The following CFI variants were observed in gnomAD, a reference collection of about 807,000 sequenced individuals.
CFI encodes the protein complement factor I.
CFI carries 66 observed loss-of-function variants against 78.8 expected under a neutral mutation model. That is an observed-to-expected ratio of 0.84 (90% CI 0.69 to 1.03). The LOEUF (loss-of-function observed/expected upper bound fraction) is 1.03, where lower values mean the gene tolerates loss of function less well. Ranked by LOEUF, CFI falls within the 50% of genes least tolerant of loss-of-function variation. CFI has a pLI of 0.00. For missense variants in CFI, 706 were observed against 704.5 expected (o/e 1.00, Z -0.02); for synonymous variants, 250 against 232.6 (o/e 1.07, Z -0.68).
At chr4:109,748,099 C>A in intron 10 of CFI, among the ~76,000 whole-genome samples, 1 of 152,102 alleles carries the variant, frequency 6.6e-6, no homozygotes, top group African/African-American at 2.4e-5. Flanking sequence ...CAGAATTTAT[C>A]TTTACATAAG....
chr4:109,748,230 G>C (rs1724716500), intron 10 of CFI, among the ~76,000 whole-genome samples: 2 of 152,088 alleles, frequency 1.3e-5, no homozygotes, highest in South Asian at 4.1e-4. Context: ...TGTTTTTCAG[G>C]ATCACAGGTT....
the CFI span, among the ~76,000 whole-genome samples, chr4:109,734,348 A>G: frequency 6.6e-5 from 10 of 152,200 alleles, no homozygotes; most frequent in Non-Finnish European, 1.2e-4. Flanking sequence ...TGGTGTGTCA[A>G]AGAAAGACAG....
chr4:109,770,649 AAAG>A lies in CFI; in HGVS notation c.58-3828_58-3826del, dbSNP rs1330816801. Among the ~76,000 whole-genome samples the A allele has an allele frequency of 2.0e-3, 306 of 151,732 alleles. 2 individuals carry two copies. Among genetic ancestry groups the A allele is most frequent in the African/African-American group, 7.1e-3 (296 of 41,410 alleles). ...CACAGACCAGAAAAAAAAAAAAAAA[AAAG>A]AAAGTCTCTGTCTCCTCTCCAAGCT... On this transcript the variant is annotated intron_variant, in intron 1 of 12. Coordinates refer to ENST00000394634, the MANE Select transcript of CFI (RefSeq NM_000204.5).
the CFI span, among the ~76,000 whole-genome samples, chr4:109,732,216 C>T: frequency 3.3e-5 from 5 of 152,140 alleles, no homozygotes; most frequent in Admixed American, 6.5e-5. Context: ...AGGAATCAGA[C>T]GTAGTTTTCT....
chr4:109,784,990 T>C (rs1401997781), intron 1 of CFI, among the ~76,000 whole-genome samples: 2 of 151,798 alleles, frequency 1.3e-5, no homozygotes, highest in Admixed American at 6.6e-5. Context: ...TCCCCACCCT[T>C]GCGATAATGT....
At chr4:109,757,276 C>CA (rs76740444) in intron 7 of CFI, among the ~76,000 whole-genome samples, 30,776 of 151,780 alleles carry the variant, frequency 0.2, 3,694 homozygotes, top group Middle Eastern at 0.32. Flanking sequence ...CCTCGTGATC[C>CA]ACCCGCCTTG....
chr4:109,756,925 G>GAAAGAAAGAAAGAA (rs1726304962), intron 7 of CFI, among the ~76,000 whole-genome samples: 10 of 142,104 alleles, frequency 7.0e-5, no homozygotes, highest in African/African-American at 2.6e-4. Flanking sequence ...AAGAAAGAAA[G>GAAAGAAAGAAAGAA]AAAGAAAGAA....
At position 109,764,633 on chromosome 4, in the gene CFI, A is replaced by G. The variant is rs757193878; in HGVS notation, c.386T>C (p.Val129Ala). ...GNTDSEGIVE[V>A]KLVDQDKTMF... ...TGTCTTATCTTGGTCCACAAGTTTT[A>G]CTTCAACTATTCCCTCTGAATCTGT... The change falls in exon 3 of 13, where the codon GTA becomes GCA. Residue 129 changes from valine (V) to alanine (A), a missense_variant. By Grantham distance (64) the Val-to-Ala change is moderately conservative (BLOSUM62 0). Coordinates refer to ENST00000394634, the MANE Select transcript of CFI (RefSeq NM_000204.5). The G allele has an allele frequency of 1.5e-5, 24 of 1,613,970 alleles. No homozygotes were observed. In the Admixed American group the frequency reaches 4.0e-4, roughly 27 times the overall value.
chr4:109,765,421 C>T (rs1433952211), intron 2 of CFI, among the ~76,000 whole-genome samples: 1 of 152,192 alleles, frequency 6.6e-6, no homozygotes, highest in Non-Finnish European at 1.5e-5. Flanking sequence ...GCACTTTCTG[C>T]ATGCCAAGCA....
In CFI at chr4:109,749,254, C is replaced by A. The variant is rs763931500; in HGVS notation, c.1112G>T (p.Gly371Val). Residue 371 changes from glycine to valine, a missense_variant, in exon 10 of 13, where the codon GGT (glycine) becomes GTT (valine). Coordinates refer to ENST00000394634, the MANE Select transcript of CFI (RefSeq NM_000204.5). ...TGCAGCAGTCAGAATCCAACAGCCA[C>A]CAATATAAATTCCCCCACAGGTGAT... is the stretch of plus-strand genomic sequence containing the variant. ...SGITCGGIYI[G>V]GCWILTAAHC... 2 of 1,614,168 alleles carry A rather than the reference C, an allele frequency of 1.2e-6. No homozygotes were observed. Among genetic ancestry groups the A allele is most frequent in the East Asian group, 4.5e-5 (2 of 44,882 alleles).
chr4:109,772,381 T>C (rs894052893), intron 1 of CFI, among the ~76,000 whole-genome samples: 2 of 152,240 alleles, frequency 1.3e-5, no homozygotes, highest in African/African-American at 4.8e-5. Flanking sequence ...ATATAAACGA[T>C]GTGAGTATGC....
intron 1 of CFI, among the ~76,000 whole-genome samples, chr4:109,780,215 C>A (rs1353326047): frequency 6.6e-6 from 1 of 152,102 alleles, no homozygotes; most frequent in African/African-American, 2.4e-5. Flanking sequence ...AGGCAACCTA[C>A]AGAATGGGAG....
intron 1 of CFI, among the ~76,000 whole-genome samples, chr4:109,780,658 A>G (rs1729893360): frequency 6.6e-6 from 1 of 152,216 alleles, no homozygotes; most frequent in African/African-American, 2.4e-5. Flanking sequence ...CATATACCCA[A>G]AGAATTATAA....
In CFI at chr4:109,746,298, A is replaced by T. The variant is rs1724413589; in HGVS notation, c.1353T>A (p.Pro451=). The stretch of plus-strand genomic sequence containing the variant: ...GGTAAGGAGACCAGGGGACACAGGC[A>T]GGGATGGAACGAGGCAGCTCACAAT... ...KKDCELPRSI[P]ACVPWSPYLF... The change falls in exon 11 of 13, where the codon CCT becomes CCA. Residue 451 remains proline (P), a synonymous_variant. Transcript: ENST00000394634. The T allele has an allele frequency of 5.0e-6, 8 of 1,614,220 alleles. No homozygotes were observed. In the South Asian group the frequency reaches 8.8e-5, roughly 18 times the overall value.
intron 1 of CFI, among the ~76,000 whole-genome samples, chr4:109,778,160 C>CA (rs1424425417): frequency 1.3e-5 from 2 of 152,134 alleles, no homozygotes; most frequent in South Asian, 4.1e-4. Context: ...GATACGGACA[C>CA]AAAAAACCCT....
At chr4:109,773,881 A>T (rs1560552754) in intron 1 of CFI, among the ~76,000 whole-genome samples, 2 of 152,200 alleles carry the variant, frequency 1.3e-5, no homozygotes, top group Non-Finnish European at 2.9e-5. Flanking sequence ...TCTGGGACAG[A>T]TCTTGGATTC....
chr4:109,771,113 C>A, intron 1 of CFI, among the ~76,000 whole-genome samples: 1 of 152,020 alleles, frequency 6.6e-6, no homozygotes, highest in East Asian at 1.9e-4. Context: ...AGATTAGGGC[C>A]AGGCGCAGTG....
chr4:109,734,962 T>C, the CFI span, among the ~76,000 whole-genome samples: 1 of 152,206 alleles, frequency 6.6e-6, no homozygotes, highest in African/African-American at 2.4e-5. Context: ...CTTTCTTTTC[T>C]TTTCTTTTTT....
At chr4:109,774,187 G>A (rs1013392681) in intron 1 of CFI, among the ~76,000 whole-genome samples, 4 of 152,228 alleles carry the variant, frequency 2.6e-5, no homozygotes, top group Admixed American at 6.5e-5. Flanking sequence ...AGATACAAGA[G>A]TGAGCAGGAC....
Sources: allele counts gnomAD v4.1 joint callset (sites outside exome capture counted in the v4.1 genomes callset), GRCh38; gene constraint gnomAD v4.1.1; transcripts MANE v1.5; gene names NCBI Gene and HGNC (gene_info 2026-07-23, HGNC 2026-07-21).